PPARGC1A: variants seen among roughly 807,000 people sequenced by gnomAD.
PPARGC1A encodes peroxisome proliferator-activated receptor gamma coactivator 1-alpha.
A neutral mutation model predicts 88.7 loss-of-function variants in PPARGC1A; 25 were observed. The ratio of observed to expected loss-of-function variants is 0.28; its 90% CI spans 0.21 to 0.39. The LOEUF is 0.39. PPARGC1A is among the 10% of genes least tolerant of loss of function. The pLI is 1.00. For synonymous variants in PPARGC1A, 363 were observed against 355.6 expected (o/e 1.02, Z -0.24); for missense variants, 880 against 968.7 (o/e 0.91, Z 1.22).
chr4:24,454,593 C>T, the PPARGC1A span, among the ~76,000 whole-genome samples: 1 of 151,992 alleles, frequency 6.6e-6, no homozygotes, highest in Admixed American at 6.5e-5. Flanking sequence ...TTTTAAATAG[C>T]TGAGTGTGGT....
At chr4:24,211,273 A>G in the PPARGC1A span, among the ~76,000 whole-genome samples, 1 of 152,178 alleles carries the variant, frequency 6.6e-6, no homozygotes, top group African/African-American at 2.4e-5. Flanking sequence ...TGCCCAAAAT[A>G]TGCATTTATA....
chr4:24,470,277 G>GACACAGACACACACACACACACACAC, the PPARGC1A span, among the ~76,000 whole-genome samples: 2 of 110,744 alleles, frequency 1.8e-5, no homozygotes, highest in Non-Finnish European at 3.7e-5. This position sits in a 1 kb window ranked among gnomAD's most constrained non-coding sequence, Gnocchi z 5.8. Context: ...GACAGACACA[G>GACACAGACACACACACACACACACAC]ACACACACAC....
the PPARGC1A span, among the ~76,000 whole-genome samples, chr4:24,465,820 G>A: frequency 6.6e-6 from 1 of 152,166 alleles, no homozygotes; most frequent in Non-Finnish European, 1.5e-5. Context: ...CAGTACAGAA[G>A]ATACCTGTTA....
rs148944262 is a variant in PPARGC1A at position 23,857,822 on chromosome 4, G to T, written c.235-26071C>A. Among the ~76,000 whole-genome samples, 277 of 151,742 alleles carry T rather than the reference G, an allele frequency of 1.8e-3. 2 individuals are homozygous for T. The highest frequency in any genetic ancestry group is 6.3e-3 in the African/African-American group (260 of 41,374). ...TTTGAATCGTGATGAGACTCCTCTTGCAGTTTAGTTCCCAGGCTCCAGGTC... is the reference window on the plus strand; with the variant it reads ...TTTGAATCGTGATGAGACTCCTCTTTCAGTTTAGTTCCCAGGCTCCAGGTC... On this transcript the variant is annotated intron_variant, in intron 2 of 12. Transcript: ENST00000264867.
chr4:23,824,226 C>CACACACATATACAGACAG (rs1723510414), intron 7 of PPARGC1A, 54 bp downstream of exon 7: 1 of 1,443,056 alleles, frequency 6.9e-7, no homozygotes, highest in African/African-American at 1.4e-5. Context: ...TTATTACACA[C>CACACACATATACAGACAG]ACACACATAT....
the PPARGC1A span, among the ~76,000 whole-genome samples, chr4:24,066,838 G>A: frequency 2.5e-5 from 2 of 80,770 alleles, no homozygotes; most frequent in African/African-American, 9.8e-5. Flanking sequence ...TTTGTTTTTT[G>A]TTTGTTTTGG....
the PPARGC1A span, among the ~76,000 whole-genome samples, chr4:24,419,264 A>G: frequency 2.0e-5 from 3 of 151,418 alleles, no homozygotes; most frequent in Non-Finnish European, 4.4e-5. Flanking sequence ...CTCAGTTGGA[A>G]CAGACCATTC....
At chr4:24,029,450 T>C in the PPARGC1A span, among the ~76,000 whole-genome samples, 1 of 152,204 alleles carries the variant, frequency 6.6e-6, no homozygotes, top group Non-Finnish European at 1.5e-5. Flanking sequence ...ATCAGAAGGT[T>C]AAAGCAAAGG....
At chr4:24,008,598 C>T in the PPARGC1A span, among the ~76,000 whole-genome samples, 1 of 152,090 alleles carries the variant, frequency 6.6e-6, no homozygotes, top group Admixed American at 6.6e-5. Flanking sequence ...ACCTATAATT[C>T]ACCCCATGAT....
At chr4:24,188,888 C>T in the PPARGC1A span, among the ~76,000 whole-genome samples, 1 of 152,082 alleles carries the variant, frequency 6.6e-6, no homozygotes, top group Non-Finnish European at 1.5e-5. Flanking sequence ...AAGGTGAACA[C>T]AAACCAAGTG....
chr4:23,852,856 A>T (rs1328495283), intron 2 of PPARGC1A, among the ~76,000 whole-genome samples: 1 of 152,182 alleles, frequency 6.6e-6, no homozygotes, highest in Non-Finnish European at 1.5e-5. Context: ...AGACAGGCAT[A>T]TGCATGTGTG....
chr4:24,118,869 G>A, the PPARGC1A span, among the ~76,000 whole-genome samples: 4 of 152,036 alleles, frequency 2.6e-5, no homozygotes, highest in African/African-American at 7.2e-5. Flanking sequence ...AGTCACTGCT[G>A]TTTATTAGGA....
chr4:24,453,254 A>G, the PPARGC1A span, among the ~76,000 whole-genome samples: 20 of 152,334 alleles, frequency 1.3e-4, no homozygotes, highest in Non-Finnish European at 2.6e-4. Context: ...ACTGTGAGGA[A>G]ATAATTTCTG....
At chr4:24,416,003 C>T in the PPARGC1A span, among the ~76,000 whole-genome samples, 36 of 151,762 alleles carry the variant, frequency 2.4e-4, no homozygotes, top group Non-Finnish European at 4.7e-4. Context: ...AGCAAGGGGT[C>T]GTGATTAATT....
the PPARGC1A span, among the ~76,000 whole-genome samples, chr4:24,032,419 CCCAGCTCCCCAAGGG>C: frequency 6.6e-6 from 1 of 152,160 alleles, no homozygotes; most frequent in African/African-American, 2.4e-5. Context: ...ATAGAGCTCA[CCCAGCTCCCCAAGGG>C]CCAGCTCCCA....
chr4:24,233,345 TTC>T, the PPARGC1A span, among the ~76,000 whole-genome samples: 1 of 151,814 alleles, frequency 6.6e-6, no homozygotes, highest in Non-Finnish European at 1.5e-5. Context: ...TACTAAAGAG[TTC>T]TCTCTCTGTC....
At chr4:24,339,225 T>TACACACACAC in the PPARGC1A span, among the ~76,000 whole-genome samples, 6 of 80,402 alleles carry the variant, frequency 7.5e-5, no homozygotes, top group African/African-American at 2.4e-4. Context: ...TATATATATA[T>TACACACACAC]ATATATATAT....
the PPARGC1A span, among the ~76,000 whole-genome samples, chr4:24,472,223 T>C: frequency 9.2e-5 from 14 of 152,166 alleles, no homozygotes; most frequent in African/African-American, 3.4e-4. This position sits in a 1 kb window ranked among gnomAD's most constrained non-coding sequence, Gnocchi z 4.5. Flanking sequence ...GTATCTCCTC[T>C]CGCCGGTTGG....
At chr4:24,438,948 C>A in the PPARGC1A span, among the ~76,000 whole-genome samples, 1 of 151,768 alleles carries the variant, frequency 6.6e-6, no homozygotes, top group African/African-American at 2.4e-5. Flanking sequence ...GGAATGGAAT[C>A]TATTATATAA....
Sources: allele counts gnomAD v4.1 joint callset (sites outside exome capture counted in the v4.1 genomes callset), GRCh38; gene constraint gnomAD v4.1.1; non-coding constraint Gnocchi (gnomAD v3.1); transcripts MANE v1.5; gene names NCBI Gene and HGNC (gene_info 2026-07-23, HGNC 2026-07-21).